GRIK3: variants seen among roughly 807,000 people sequenced by gnomAD.
GRIK3 encodes the protein glutamate ionotropic receptor kainate type subunit 3, also known as glutamate receptor ionotropic, kainate 3.
GRIK3 carries 29 observed loss-of-function variants against 102.5 expected under a neutral mutation model. The observed-to-expected ratio is 0.28, with a 90% CI of 0.21 to 0.39. The LOEUF (loss-of-function observed/expected upper bound fraction) is 0.39. Among genes scored for constraint, GRIK3 ranks in the 10% least tolerant of loss-of-function variants. GRIK3 has a pLI of 1.00. For missense variants in GRIK3, 908 were observed against 1,252.4 expected, an observed-to-expected ratio of 0.73 and a Z score of 4.15; for synonymous variants, 511 against 504.9, an observed-to-expected ratio of 1.01 and a Z score of -0.16.
chr1:36,825,541 G>A (rs1642746313), intron 11 of GRIK3, 62 bp downstream of exon 11: 3 of 1,120,268 alleles, frequency 2.7e-6, no homozygotes, highest in Admixed American at 2.7e-5. Context: ...AGGAGATGAG[G>A]ACCTGCCTAA....
chr1:36,859,180 G>T lies in GRIK3; in HGVS notation c.1032C>A (p.Thr344=). The T allele has an allele frequency of 6.2e-7, 1 of 1,613,850 alleles. No homozygotes were observed. Among genetic ancestry groups the T allele is most frequent in the South Asian group, 1.1e-5 (1 of 91,064 alleles). Residue 344 remains threonine, a synonymous_variant, in exon 7 of 16, where the codon ACC becomes ACA. Coordinates refer to ENST00000373091, the MANE Select transcript of GRIK3 (RefSeq NM_000831.4). ...SVCYQRAPQM[T]VNSLQCHRHK... ...GCCGATGGCACTGCAGGGAGTTCAC[G>T]GTCATCTGTGGTGCCCGCTGGTAGC...
chr1:36,840,918 C>T (rs530932312), intron 10 of GRIK3, among the ~76,000 whole-genome samples: 1 of 152,316 alleles, frequency 6.6e-6, no homozygotes, highest in South Asian at 2.1e-4. Context: ...TAGGCCCAGT[C>T]TTCTGCCACT....
chr1:36,961,016 C>T (rs984244216), intron 1 of GRIK3, among the ~76,000 whole-genome samples: 1 of 152,230 alleles, frequency 6.6e-6, no homozygotes, highest in South Asian at 2.1e-4. Flanking sequence ...ACTGCTAAAG[C>T]CACATACATG....
intron 1 of GRIK3, among the ~76,000 whole-genome samples, chr1:36,948,648 G>A (rs1641809590): frequency 6.6e-6 from 1 of 152,138 alleles, no homozygotes; most frequent in Non-Finnish European, 1.5e-5. Context: ...AATTATGAGC[G>A]CATGTAGGGC....
chr1:36,816,464 C>T (rs899763392), intron 13 of GRIK3, among the ~76,000 whole-genome samples: 1 of 152,210 alleles, frequency 6.6e-6, no homozygotes, highest in Non-Finnish European at 1.5e-5. Flanking sequence ...AGCAACACTT[C>T]ACAGAGCAGG....
chr1:36,935,506 T>C (rs1641646835), intron 1 of GRIK3, among the ~76,000 whole-genome samples: 1 of 152,060 alleles, frequency 6.6e-6, no homozygotes, highest in Admixed American at 6.5e-5. Context: ...GACCGCTCTG[T>C]ATCTGGGGAA....
At chr1:36,982,281 G>A (rs1642257881) in intron 1 of GRIK3, among the ~76,000 whole-genome samples, 2 of 152,200 alleles carry the variant, frequency 1.3e-5, no homozygotes, top group South Asian at 4.1e-4. Context: ...GCAGCCAAAG[G>A]TGCTGTGGCT....
intron 1 of GRIK3, among the ~76,000 whole-genome samples, chr1:36,902,117 G>C (rs1417282655): frequency 1.3e-5 from 2 of 152,184 alleles, no homozygotes; most frequent in Non-Finnish European, 2.9e-5. Context: ...AATGTTCATG[G>C]ATAAGAAAAG....
At chr1:37,026,683 C>T (rs945746509) in intron 1 of GRIK3, among the ~76,000 whole-genome samples, 1 of 152,164 alleles carries the variant, frequency 6.6e-6, no homozygotes, top group Non-Finnish European at 1.5e-5. Context: ...GTTAATACTT[C>T]TATTTTATAG....
Position 36,938,725 on chromosome 1 carries a change from CTCT to C in GRIK3, c.116-47632_116-47630del, listed in dbSNP as rs143030972. Among the ~76,000 whole-genome samples, 1,154 of 152,318 alleles carry C rather than the reference CTCT, an allele frequency of 7.6e-3. 15 individuals carry two copies. The highest frequency in any genetic ancestry group is 0.05 in the South Asian group (240 of 4,816). On this transcript the variant is annotated intron_variant, in intron 1 of 15. Coordinates refer to ENST00000373091, the MANE Select transcript of GRIK3 (RefSeq NM_000831.4). ...CAACCTGTGTTCTGAATGGGAGCTG[CTCT>C]TCTTGTACCTGAGCCCAACTCCCTG...
chr1:36,994,541 G>C (rs1364225148), intron 1 of GRIK3, among the ~76,000 whole-genome samples: 2 of 152,214 alleles, frequency 1.3e-5, no homozygotes, highest in East Asian at 3.8e-4. Context: ...AACACTGATA[G>C]AGCAGTATCT....
At chr1:36,914,160 C>T (rs903730945) in intron 1 of GRIK3, among the ~76,000 whole-genome samples, 4 of 152,198 alleles carry the variant, frequency 2.6e-5, no homozygotes, top group East Asian at 1.9e-4. Flanking sequence ...TTCTCCCTCC[C>T]GCTTGGGAAG....
chr1:36,867,520 C>T lies in GRIK3; in HGVS notation c.786+2228G>A, dbSNP rs140963831. Among the ~76,000 whole-genome samples the T allele has an allele frequency of 3.7e-3, 559 of 152,234 alleles. 17 individuals carry two copies. The highest frequency in any genetic ancestry group is 0.033 in the Admixed American group (511 of 15,290). On this transcript the variant is annotated intron_variant, in intron 5 of 15. Transcript: ENST00000373091. ...TTGCAGAAACCACCCTTGGGACAGA[C>T]GACGACTACTTCTTGGCCAATCAGC...
intron 7 of GRIK3, among the ~76,000 whole-genome samples, chr1:36,858,509 T>C (rs1463638929): frequency 6.6e-6 from 1 of 152,206 alleles, no homozygotes; most frequent in African/African-American, 2.4e-5. Flanking sequence ...AGTTTCCATA[T>C]TCTCTGGTTT....
chr1:36,899,823 G>A (rs540154537), intron 1 of GRIK3, among the ~76,000 whole-genome samples: 56 of 152,332 alleles, frequency 3.7e-4, no homozygotes, highest in African/African-American at 1.3e-3. Flanking sequence ...GAGACAAAGA[G>A]AAGCATTACA....
rs1253925801 is a variant in GRIK3 at position 37,034,446 on chromosome 1, C to A, written c.-338G>T. Among the ~76,000 whole-genome samples, 5 of 151,124 alleles carry A rather than the reference C, an allele frequency of 3.3e-5. No individual in the cohort carries two copies. In the East Asian group the frequency reaches 9.8e-4, roughly 30 times the overall value. ...ACCTGCCCCGGCTGCCGGGCTCTGGCGGGCGGGCTGCACGCGTCTCCGGCC... is the reference window on the plus strand; with the variant it reads ...ACCTGCCCCGGCTGCCGGGCTCTGGAGGGCGGGCTGCACGCGTCTCCGGCC... On this transcript the variant is annotated 5_prime_UTR_variant, in exon 1 of 16. Coordinates refer to ENST00000373091, the MANE Select transcript of GRIK3 (RefSeq NM_000831.4).
intron 10 of GRIK3, among the ~76,000 whole-genome samples, chr1:36,835,073 G>T (rs770474596): frequency 6.6e-6 from 1 of 152,190 alleles, no homozygotes; most frequent in Admixed American, 6.5e-5. Context: ...CTGATTCATT[G>T]TTTGCCCCCG....
At chr1:36,883,393 G>T (rs1356259019) in intron 2 of GRIK3, among the ~76,000 whole-genome samples, 1 of 152,140 alleles carries the variant, frequency 6.6e-6, no homozygotes, top group African/African-American at 2.4e-5. Context: ...ACCATAAGGG[G>T]CCTTGCATTC....
intron 5 of GRIK3, among the ~76,000 whole-genome samples, chr1:36,866,512 G>A (rs892226271): frequency 6.6e-6 from 1 of 152,188 alleles, no homozygotes; most frequent in Non-Finnish European, 1.5e-5. Context: ...AATTTTGGAT[G>A]GGATGGGGTA....
Sources: allele counts gnomAD v4.1 joint callset (sites outside exome capture counted in the v4.1 genomes callset), GRCh38; gene constraint gnomAD v4.1.1; transcripts MANE v1.5; gene names NCBI Gene and HGNC (gene_info 2026-07-23, HGNC 2026-07-21).